RDX: variants seen among roughly 807,000 people sequenced by gnomAD.
RDX encodes the protein deafness, autosomal recessive 24.
A neutral mutation model predicts 83.7 loss-of-function variants in RDX; 32 were observed. That is an observed-to-expected ratio of 0.38 (90% confidence interval 0.29 to 0.51). RDX has a LOEUF of 0.51. Ranked by LOEUF, RDX falls within the 20% of genes least tolerant of loss-of-function variation. The probability of loss-of-function intolerance (pLI) is 0.87; values close to 1 mark genes in which losing one functional copy is unlikely to be tolerated. For missense variants in RDX, 600 were observed against 689.9 expected (o/e 0.87, Z 1.46); for synonymous variants, 229 against 222.7 (o/e 1.03, Z -0.25).
intron 14 of RDX, among the ~76,000 whole-genome samples, chr11:110,204,936 T>G (rs553141171): frequency 2.8e-3 from 422 of 152,282 alleles, no homozygotes; most frequent in African/African-American, 9.8e-3. Context: ...CCAAAACTAG[T>G]CAGGAGCCTA....
rs141375343 is a variant in RDX at position 110,216,503 on chromosome 11, G to C, written c.1748+15370C>G. On this transcript the variant is annotated intron_variant, in intron 14 of 15. Transcript: ENST00000528498. ...TCCTCCCACCTCAGCCTCCCAAGTA[G>C]CTGAGACTACAGGTGCGCTACCACA... Among the ~76,000 whole-genome samples, 1,408 of 150,848 alleles carry C rather than the reference G, an allele frequency of 9.3e-3. 30 individuals are homozygous for C. Among genetic ancestry groups the C allele is most frequent in the African/African-American group, 0.033 (1,338 of 41,052 alleles).
At chr11:110,284,139 T>C (rs1860880390) in intron 1 of RDX, among the ~76,000 whole-genome samples, 1 of 152,236 alleles carries the variant, frequency 6.6e-6, no homozygotes, top group Admixed American at 6.5e-5. Flanking sequence ...TAGGTAAGTA[T>C]TGTAGGTATC....
chr11:110,235,960 A>G (rs1294882746), intron 12 of RDX, 139 bp downstream of exon 12: 1 of 677,456 alleles, frequency 1.5e-6, no homozygotes, highest in East Asian at 2.8e-5. Context: ...ATCTGTAGAT[A>G]GATATTTACA....
chr11:110,244,111 C>A (rs1240200398), intron 10 of RDX, among the ~76,000 whole-genome samples: 1 of 152,032 alleles, frequency 6.6e-6, no homozygotes, highest in Non-Finnish European at 1.5e-5. Flanking sequence ...TAAAAAACAT[C>A]AGATTTCAAA....
At chr11:110,253,837 G>A (rs1192702479) in intron 9 of RDX, 109 bp downstream of exon 9, 29 of 898,070 alleles carry the variant, frequency 3.2e-5, no homozygotes, top group South Asian at 1.8e-4. Context: ...TTAATATAAT[G>A]AAAATATTAA....
rs1436602942 is a variant in RDX at position 110,296,466 on chromosome 11, C to G, written c.-65+1G>C. On this transcript the variant is annotated splice_donor_variant, in intron 1 of 13. Coordinates refer to ENST00000645495, the MANE Select transcript of RDX (RefSeq NM_002906.4). LOFTEE classifies it low-confidence loss of function (5UTR_SPLICE). ...GGGGAAGGGAGGGCGCCGCGCCTTA[C>G]CCGGAGAGCGGGCGGCTTCTGCCCG... is the stretch of plus-strand genomic sequence containing the variant. 7 of 151,412 alleles carry G rather than the reference C, an allele frequency of 4.6e-5. No homozygotes were observed. Among genetic ancestry groups the G allele is most frequent in the Non-Finnish European group, 8.9e-5 (6 of 67,794 alleles). 9.4% of individuals were successfully genotyped at this position (151,412 alleles called of 1,614,324 possible). A position where few individuals can be genotyped will look rare whatever the true frequency, so the allele number is the denominator to read the frequency against.
chr11:110,256,405 A>G (rs1407840772), intron 7 of RDX, among the ~76,000 whole-genome samples: 1 of 152,238 alleles, frequency 6.6e-6, no homozygotes, highest in Non-Finnish European at 1.5e-5. Context: ...GCAGGAATGC[A>G]ACATAGTATT....
chr11:110,288,076 T>C (rs1174924911), intron 1 of RDX, among the ~76,000 whole-genome samples: 3 of 152,336 alleles, frequency 2.0e-5, no homozygotes, highest in South Asian at 4.1e-4. Flanking sequence ...GTAAATGGAT[T>C]TCCTGTAAGG....
chr11:110,260,589 G>A (rs1859762532), intron 5 of RDX, among the ~76,000 whole-genome samples: 2 of 152,124 alleles, frequency 1.3e-5, no homozygotes, highest in South Asian at 2.1e-4. Flanking sequence ...TTACAAGCAT[G>A]TGCCACCATG....
chr11:110,278,618 G>A (rs1233779309), intron 2 of RDX, among the ~76,000 whole-genome samples: 1 of 151,684 alleles, frequency 6.6e-6, no homozygotes, highest in Non-Finnish European at 1.5e-5. Flanking sequence ...TCAGTTATTG[G>A]TTCTAGTATT....
At position 110,192,827 on chromosome 11, in the gene RDX, T is replaced by G. The variant is rs140773148; in HGVS notation, c.*31+6754A>C. 6.7e-5 allele frequency among the ~76,000 whole-genome samples: 10 copies of G among 149,906 alleles called. No individual in the cohort carries two copies. The East Asian group carries it at 2.0e-3, about 30-fold the overall frequency. On this transcript the variant is annotated intron_variant, in intron 15 of 15. Coordinates refer to the RDX transcript ENST00000528498. ...ACCACAATGAGATACCATCTCACAG[T>G]AGGCTGAGTGGTTAGTATTGAAAAG...
intron 10 of RDX, among the ~76,000 whole-genome samples, chr11:110,246,261 TC>T (rs1475949760): frequency 2.2e-4 from 34 of 152,356 alleles, no homozygotes; most frequent in African/African-American, 7.9e-4. Context: ...AAATGATCAA[TC>T]AGCTTGCGCA....
chr11:110,193,119 G>A (rs1863133817), intron 15 of RDX, among the ~76,000 whole-genome samples: 1 of 152,108 alleles, frequency 6.6e-6, no homozygotes, highest in African/African-American at 2.4e-5. Context: ...ATCAACCTAG[G>A]TGCCCATCAA....
At chr11:110,234,118 T>C (rs1181264447) in intron 12 of RDX, among the ~76,000 whole-genome samples, 1 of 152,180 alleles carries the variant, frequency 6.6e-6, no homozygotes, top group Admixed American at 6.5e-5. Context: ...AGTTTAGATG[T>C]TCAATTATAT....
At chr11:110,269,031 G>T (rs977242214) in intron 3 of RDX, among the ~76,000 whole-genome samples, 1 of 150,982 alleles carries the variant, frequency 6.6e-6, no homozygotes, top group Non-Finnish European at 1.5e-5. Flanking sequence ...AGTGCAGACC[G>T]CAACCTCTAC....
Position 110,237,917 on chromosome 11 carries a change from G to A in RDX, c.1091-265C>T, listed in dbSNP as rs757342345. The A allele has an allele frequency of 4.0e-4, 157 of 397,154 alleles. 2 individuals carry two copies. Among genetic ancestry groups the A allele is most frequent in the Non-Finnish European group, 2.7e-4 (58 of 212,782 alleles). The allele number at this position is 397,154 out of a possible 1,614,324, so 24.6% of individuals were successfully genotyped here. A position where few individuals can be genotyped will look rare whatever the true frequency, so the allele number is the denominator to read the frequency against. ...CTCCCAAGTAGCTAGGACTACAGGC[G>A]CTATACCTCGTTTCCAACTTGGCAA... is the stretch of plus-strand genomic sequence containing the variant. On this transcript the variant is annotated intron_variant, in intron 10 of 13. Coordinates refer to ENST00000645495, the MANE Select transcript of RDX (RefSeq NM_002906.4).
chr11:110,240,916 T>C (rs1436978636), intron 10 of RDX, among the ~76,000 whole-genome samples: 6 of 144,188 alleles, frequency 4.2e-5, no homozygotes, highest in Non-Finnish European at 6.1e-5. Context: ...ATTAGCTGGG[T>C]GTGGTGGCGG....
rs769794791 is a variant in RDX, at chr11:110,233,220, C to G, written c.1587+17G>C. On this transcript the variant is annotated intron_variant, in intron 13 of 13. Transcript: ENST00000645495. ...AACTATATTTCAAATGCACATACAA[C>G]TGCAAATTTTAAATACCTGAAGTTG... is the stretch of plus-strand genomic sequence containing the variant. 6 of 1,612,086 alleles carry G rather than the reference C, an allele frequency of 3.7e-6. No homozygotes were observed. Among genetic ancestry groups the G allele is most frequent in the Non-Finnish European group, 5.1e-6 (6 of 1,179,816 alleles).
chr11:110,237,513 C>T lies in RDX; in HGVS notation c.1230G>A (p.Gln410=), dbSNP rs1385801767. 7 of 1,612,706 alleles carry T rather than the reference C, an allele frequency of 4.3e-6. No homozygotes were observed. Among genetic ancestry groups the T allele is most frequent in the Non-Finnish European group, 5.9e-6 (7 of 1,180,006 alleles). The part of the protein sequence containing the change: ...KSAIAKQAAD[Q]MKNQEQLAAE... ...TTACTAGCTGCTCCTGATTCTTCAT[C>T]TGGTCGGCAGCTTGTTTTGCTATGG... The change falls in exon 11 of 14, where the codon CAG becomes CAA. Residue 410 remains glutamine (Q), a synonymous_variant. Coordinates refer to ENST00000645495, the MANE Select transcript of RDX (RefSeq NM_002906.4).
Sources: gnomAD v4.1 joint callset for allele counts (sites outside exome capture counted in the v4.1 genomes callset) on GRCh38, gnomAD v4.1.1 for gene constraint, MANE v1.5 for transcripts, NCBI Gene and HGNC (gene_info 2026-07-23, HGNC 2026-07-21) for gene names.